Variants in GDNF observed in about 807,000 individuals in gnomAD.
The protein encoded by GDNF is glial cell derived neurotrophic factor.
GDNF carries 5 observed loss-of-function variants against 13.7 expected under a neutral mutation model. That is an observed-to-expected ratio of 0.36 (90% CI 0.19 to 0.77). GDNF has a LOEUF of 0.77. Ranked by LOEUF, GDNF falls within the 30% of genes least tolerant of loss-of-function variation. The pLI is 0.51. For synonymous variants in GDNF, 122 were observed against 112.5 expected (o/e 1.08, Z -0.53); for missense variants, 246 against 274.3 (o/e 0.90, Z 0.73).
At chr5:37,830,628 C>G (rs1349519310) in intron 2 of GDNF, among the ~76,000 whole-genome samples, 1 of 152,164 alleles carries the variant, frequency 6.6e-6, no homozygotes, top group Non-Finnish European at 1.5e-5. Context: ...AGTGAATTCA[C>G]TGGGTGCCCA....
intron 2 of GDNF, among the ~76,000 whole-genome samples, chr5:37,821,877 A>G (rs1231192462): frequency 6.6e-6 from 1 of 152,266 alleles, no homozygotes; most frequent in Admixed American, 6.5e-5. Context: ...CATAATCCAA[A>G]ACATTACATT....
At chr5:37,834,399 A>C (rs960674444) in intron 2 of GDNF, among the ~76,000 whole-genome samples, 3 of 152,216 alleles carry the variant, frequency 2.0e-5, no homozygotes, top group African/African-American at 7.2e-5. Flanking sequence ...AGAATGCTAA[A>C]GGAGCAGCAT....
At chr5:37,830,273 C>T (rs1032459760) in intron 2 of GDNF, among the ~76,000 whole-genome samples, 2 of 152,254 alleles carry the variant, frequency 1.3e-5, no homozygotes, top group Non-Finnish European at 2.9e-5. Context: ...CCTCTTGTCA[C>T]TTCCATAGAA....
rs1464298039 is a variant in GDNF, at chr5:37,838,067, T to G, written c.-27+1440A>C. Among the ~76,000 whole-genome samples the G allele has an allele frequency of 6.7e-6, 1 of 149,910 alleles. No individual in the cohort carries two copies. The highest frequency in any genetic ancestry group is 2.5e-5 in the African/African-American group (1 of 40,720). On this transcript the variant is annotated intron_variant, in intron 1 of 2. Transcript: ENST00000326524. The surrounding 1 kb of genome is among the most constrained non-coding windows in gnomAD (Gnocchi z 4.1). ...TGGAAGATCTATTGCTTTTCTTAAC[T>G]ATGCTTCGTGTCCTTGACTGACAGA... is the stretch of plus-strand genomic sequence containing the variant.
intron 2 of GDNF, among the ~76,000 whole-genome samples, chr5:37,822,981 C>T (rs1007226876): frequency 1.3e-5 from 2 of 152,204 alleles, no homozygotes; most frequent in Non-Finnish European, 2.9e-5. Context: ...AAACTTCTTG[C>T]ATTACAAAAT....
chr5:37,834,565 G>A, intron 2 of GDNF, 81 bp downstream of exon 2: 1 of 1,246,394 alleles, frequency 8.0e-7, no homozygotes, highest in Non-Finnish European at 1.1e-6. Context: ...GGCTGGCTTG[G>A]GGTACGTGCG....
In GDNF at chr5:37,838,575, G is replaced by C. The variant is rs2111738347; in HGVS notation, c.-27+932C>G. ...GTAAGCCCCCCGGGGGCGCGCACATGGGTCCTGGCGGCGGATTCTACCAAA... is the reference window on the plus strand; with the variant it reads ...GTAAGCCCCCCGGGGGCGCGCACATCGGTCCTGGCGGCGGATTCTACCAAA... On this transcript the variant is annotated intron_variant, in intron 1 of 2. Coordinates refer to ENST00000326524, the MANE Select transcript of GDNF (RefSeq NM_000514.4). The surrounding 1 kb of genome is among the most constrained non-coding windows in gnomAD (Gnocchi z 4.1). Among the ~76,000 whole-genome samples the C allele has an allele frequency of 6.6e-6, 1 of 152,328 alleles. No individual in the cohort carries two copies. Among genetic ancestry groups the C allele is most frequent in the Non-Finnish European group, 1.5e-5 (1 of 68,028 alleles).
chr5:37,824,080 T>G, intron 2 of GDNF: 2 of 977,908 alleles, frequency 2.0e-6, no homozygotes, highest in Non-Finnish European at 2.4e-6. Context: ...TCAAGTCATC[T>G]TCCTGTGCCC....
chr5:37,835,647 C>G, intron 1 of GDNF: 1 of 1,550,572 alleles, frequency 6.4e-7, no homozygotes, highest in Non-Finnish European at 8.7e-7. Context: ...TGCTGTTAGG[C>G]AAAGACTGCA....
chr5:37,831,457 T>C (rs994199907), intron 2 of GDNF, among the ~76,000 whole-genome samples: 1 of 152,254 alleles, frequency 6.6e-6, no homozygotes, highest in East Asian at 1.9e-4. Context: ...ACTTATTAAA[T>C]ACATTTAGAG....
intron 1 of GDNF, chr5:37,835,701 C>T (rs1420574281): frequency 6.5e-7 from 1 of 1,532,996 alleles, no homozygotes; most frequent in South Asian, 1.2e-5. Context: ...CCCGAAAACC[C>T]TCTCTTGACT....
chr5:37,829,411 C>T (rs1467725134), intron 2 of GDNF, among the ~76,000 whole-genome samples: 1 of 152,204 alleles, frequency 6.6e-6, no homozygotes, highest in Non-Finnish European at 1.5e-5. Context: ...CTAAACCCTA[C>T]ACAATAGACA....
At chr5:37,823,046 C>T (rs953580451) in intron 2 of GDNF, among the ~76,000 whole-genome samples, 12 of 152,146 alleles carry the variant, frequency 7.9e-5, no homozygotes, top group Non-Finnish European at 5.9e-5. Context: ...AAAAACATTA[C>T]CAGTGTAAAG....
rs546641171 is a variant in GDNF, at chr5:37,812,829, T to A, written c.*2822A>T. On this transcript the variant is annotated 3_prime_UTR_variant, in exon 3 of 3. Coordinates refer to ENST00000326524, the MANE Select transcript of GDNF (RefSeq NM_000514.4). Reference sequence around the variant, plus strand: ...CAAGTGCACTCCTTACGGTATCAGATGGTGATCGCAATGATAAAGAAAAAT... The same window carrying A: ...CAAGTGCACTCCTTACGGTATCAGAAGGTGATCGCAATGATAAAGAAAAAT... 12 of 152,242 alleles carry A rather than the reference T, an allele frequency of 7.9e-5. No individual in the cohort carries two copies. The highest frequency in any genetic ancestry group is 6.5e-4 in the Admixed American group (10 of 15,296). 9.4% of individuals were successfully genotyped at this position (152,242 alleles called of 1,614,324 possible).
rs1459699817 is a variant in GDNF, at chr5:37,839,302, C to T, written c.-27+205G>A. On this transcript the variant is annotated intron_variant, in intron 1 of 2. Transcript: ENST00000326524. The surrounding 1 kb of genome is among the most constrained non-coding windows in gnomAD (Gnocchi z 5.5). ...CCCACGTGGAAAAGGCAACATGCCC[C>T]TCCGAAAGGCCGGCCTCTCTCCGGT... Among the ~76,000 whole-genome samples the T allele has an allele frequency of 2.0e-5, 3 of 152,216 alleles. No individual in the cohort carries two copies. Among genetic ancestry groups the T allele is most frequent in the Non-Finnish European group, 4.4e-5 (3 of 68,048 alleles).
In GDNF at chr5:37,834,746, C is replaced by T; in HGVS notation, c.51G>A (p.Ala17=). 1 of 1,612,340 alleles carries T rather than the reference C, an allele frequency of 6.2e-7. No homozygotes were observed. Among genetic ancestry groups the T allele is most frequent in the Non-Finnish European group, 8.5e-7 (1 of 1,179,382 alleles). ...VAVCLVLLHT[A]SAFPLPAGKR... ...TACCGGCGGGCAGCGGGAAGGCGGA[C>T]GCGGTGTGGAGCAGCACCAGGCAGA... Residue 17 remains alanine, a synonymous_variant, in exon 2 of 3, where the codon GCG becomes GCA. Coordinates refer to ENST00000326524, the MANE Select transcript of GDNF (RefSeq NM_000514.4).
chr5:37,821,676 G>A (rs555701730), intron 2 of GDNF, among the ~76,000 whole-genome samples: 4 of 152,142 alleles, frequency 2.6e-5, no homozygotes, highest in African/African-American at 7.2e-5. Context: ...ACCTTGTACC[G>A]GGGCACAACT....
At position 37,815,898 on chromosome 5, in the gene GDNF, A is replaced by G; in HGVS notation, c.389T>C (p.Leu130Ser). 1 of 1,614,118 alleles carries G rather than the reference A, an allele frequency of 6.2e-7. No homozygotes were observed. Among genetic ancestry groups the G allele is most frequent in the South Asian group, 1.1e-5 (1 of 91,080 alleles). Reference sequence around the variant, plus strand: ...CTCCTTGGTTTCATAGCCCAGACCCAAGTCAGTGACATTTAAATGTATTGC... The same window carrying G: ...CTCCTTGGTTTCATAGCCCAGACCCGAGTCAGTGACATTTAAATGTATTGC... ...LTAIHLNVTD[L>S]GLGYETKEEL... is the part of the protein sequence containing the mutation. Residue 130 changes from leucine to serine, a missense_variant, in exon 3 of 3, where the codon TTG (leucine) becomes TCG (serine). Physicochemically the swap from Leu to Ser is moderately radical, Grantham distance 145 (BLOSUM62 -2). Transcript: ENST00000326524. The surrounding 1 kb of genome is among the most constrained non-coding windows in gnomAD (Gnocchi z 5.0).
intron 1 of GDNF, among the ~76,000 whole-genome samples, chr5:37,836,339 C>T (rs1581593411): frequency 6.6e-6 from 1 of 152,268 alleles, no homozygotes; most frequent in East Asian, 1.9e-4. Flanking sequence ...AACCCCACTC[C>T]CTGTCCCGGT....
Sources: gnomAD v4.1 joint callset for allele counts (sites outside exome capture counted in the v4.1 genomes callset) on GRCh38, gnomAD v4.1.1 for gene constraint, Gnocchi (gnomAD v3.1) non-coding constraint, MANE v1.5 for transcripts, NCBI Gene and HGNC (gene_info 2026-07-23, HGNC 2026-07-21) for gene names.